PCDH9: variants seen among roughly 807,000 people sequenced by gnomAD.
PCDH9 encodes the protein protocadherin-9.
Under a neutral mutation model 70.6 loss-of-function variants are expected in PCDH9, and 24 were observed. The ratio of observed to expected loss-of-function variants is 0.34; its 90% CI spans 0.25 to 0.48. The LOEUF is 0.48. Ranked by LOEUF, PCDH9 falls within the 20% of genes least tolerant of loss-of-function variation. The pLI is 0.99. For synonymous variants in PCDH9, 562 were observed against 558.5 expected, an observed-to-expected ratio of 1.01 and a Z score of -0.09; for missense variants, 1,281 against 1,503.6, an observed-to-expected ratio of 0.85 and a Z score of 2.45.
At chr13:67,138,680 G>A (rs986290444) in intron 2 of PCDH9, among the ~76,000 whole-genome samples, 6 of 152,126 alleles carry the variant, frequency 3.9e-5, no homozygotes, top group Non-Finnish European at 8.8e-5. Flanking sequence ...GCCTGCGCCC[G>A]CATTGTGGAG....
At chr13:67,172,436 T>A (rs117410592) in intron 2 of PCDH9, among the ~76,000 whole-genome samples, 4,507 of 152,162 alleles carry the variant, frequency 0.03, 90 homozygotes, top group Non-Finnish European at 0.043. Flanking sequence ...TATAACTAAA[T>A]GGGGAGTAAG....
chr13:66,582,453 C>A (rs552328764), intron 4 of PCDH9, among the ~76,000 whole-genome samples: 64 of 152,040 alleles, frequency 4.2e-4, no homozygotes, highest in African/African-American at 1.5e-3. Context: ...GACAACATGG[C>A]AAAACCCTTT....
At chr13:66,976,400 A>G (rs190097351) in intron 2 of PCDH9, among the ~76,000 whole-genome samples, 1 of 152,094 alleles carries the variant, frequency 6.6e-6, no homozygotes, top group South Asian at 2.1e-4. Context: ...TCATATGGGT[A>G]TGGTTTGAGG....
chr13:66,790,581 G>A (rs930986942), intron 3 of PCDH9, among the ~76,000 whole-genome samples: 1 of 151,898 alleles, frequency 6.6e-6, no homozygotes, highest in African/African-American at 2.4e-5. Context: ...ATCTATAATT[G>A]ATTTTGTGTA....
intron 3 of PCDH9, among the ~76,000 whole-genome samples, chr13:66,702,235 T>C (rs1317354093): frequency 6.6e-6 from 1 of 152,184 alleles, no homozygotes; most frequent in African/African-American, 2.4e-5. Context: ...AGAAAGTATA[T>C]AGAATTGAAA....
chr13:67,069,650 C>T (rs2085720522), intron 2 of PCDH9, among the ~76,000 whole-genome samples: 1 of 152,104 alleles, frequency 6.6e-6, no homozygotes, highest in African/African-American at 2.4e-5. Flanking sequence ...CTATAATTGA[C>T]CATCTCCTTT....
chr13:66,972,956 G>T (rs572937230), intron 2 of PCDH9, among the ~76,000 whole-genome samples: 1 of 151,962 alleles, frequency 6.6e-6, no homozygotes, highest in Admixed American at 6.6e-5. Context: ...AAATTCATCC[G>T]GTATCAGATA....
At chr13:66,451,888 G>T (rs535822340) in intron 4 of PCDH9, among the ~76,000 whole-genome samples, 1 of 152,166 alleles carries the variant, frequency 6.6e-6, no homozygotes, top group African/African-American at 2.4e-5. Context: ...ACAATTCAAA[G>T]ATAACAATGG....
chr13:66,901,899 A>G (rs554339543), intron 3 of PCDH9, among the ~76,000 whole-genome samples: 5 of 151,854 alleles, frequency 3.3e-5, no homozygotes, highest in Admixed American at 2.6e-4. Context: ...AAACACAAAC[A>G]TAAAATGTTA....
At chr13:66,798,868 T>C (rs1799849124) in intron 3 of PCDH9, among the ~76,000 whole-genome samples, 1 of 152,104 alleles carries the variant, frequency 6.6e-6, no homozygotes, top group Admixed American at 6.6e-5. Context: ...TAGGCTTGAG[T>C]GCAGTGGCAT....
intron 4 of PCDH9, among the ~76,000 whole-genome samples, chr13:66,463,358 G>C (rs768687910): frequency 2.4e-4 from 36 of 151,734 alleles, no homozygotes; most frequent in Non-Finnish European, 4.1e-4. Flanking sequence ...GAATGACTTA[G>C]AACACATTGT....
At chr13:67,109,949 C>T (rs1190894555) in intron 2 of PCDH9, among the ~76,000 whole-genome samples, 7 of 152,068 alleles carry the variant, frequency 4.6e-5, no homozygotes, top group Admixed American at 4.6e-4. Flanking sequence ...CGAGTGACCA[C>T]TTATTATGTA....
intron 2 of PCDH9, among the ~76,000 whole-genome samples, chr13:67,020,012 G>A (rs1004367127): frequency 1.3e-5 from 2 of 152,122 alleles, no homozygotes; most frequent in African/African-American, 4.8e-5. Flanking sequence ...TATGTTTGAT[G>A]GACTTAATAA....
intron 4 of PCDH9, among the ~76,000 whole-genome samples, chr13:66,366,513 T>C (rs939634377): frequency 6.6e-6 from 1 of 152,068 alleles, no homozygotes; most frequent in Non-Finnish European, 1.5e-5. Context: ...ATCCTTCTAA[T>C]AGCATTTCAT....
At chr13:67,198,857 A>C (rs1243276695) in intron 2 of PCDH9, among the ~76,000 whole-genome samples, 1 of 151,872 alleles carries the variant, frequency 6.6e-6, no homozygotes, top group Non-Finnish European at 1.5e-5. Context: ...GCTATAGGAG[A>C]AATAATGACC....
rs145370598 is a variant in PCDH9 at position 67,225,879 on chromosome 13, G to C, written c.2562C>G (p.Ala854=). Residue 854 remains alanine, a synonymous_variant, in exon 2 of 5, where the codon GCC becomes GCG. Coordinates refer to ENST00000377865, the MANE Select transcript of PCDH9 (RefSeq NM_203487.3). ...TCTCCTGGTTTGGGGACATCCATTC[G>C]GCACCTTGCTTGCTCCTCTGAGCTG... ...FKAAQRSKQG[A]EWMSPNQENK... 61 of 1,613,722 alleles carry C rather than the reference G, an allele frequency of 3.8e-5. No individual in the cohort carries two copies. The African/African-American group carries it at 6.1e-4, about 16-fold the overall frequency.
chr13:66,619,658 G>A (rs1184922337), intron 4 of PCDH9, among the ~76,000 whole-genome samples: 4 of 152,082 alleles, frequency 2.6e-5, no homozygotes, highest in Non-Finnish European at 1.5e-5. Context: ...TGGCTCTGAG[G>A]TCAATGAATT....
chr13:66,858,691 C>T (rs1393301947), intron 3 of PCDH9, among the ~76,000 whole-genome samples: 1 of 152,062 alleles, frequency 6.6e-6, no homozygotes. Flanking sequence ...ACAGAGTTTG[C>T]TAAGTATTTC....
chr13:66,942,260 G>GA (rs888910594), intron 2 of PCDH9, among the ~76,000 whole-genome samples: 2 of 151,062 alleles, frequency 1.3e-5, no homozygotes, highest in East Asian at 3.9e-4. Flanking sequence ...CAATAGTTTA[G>GA]AAAAAAATAG....
Sources: gnomAD v4.1 joint callset for allele counts (sites outside exome capture counted in the v4.1 genomes callset) on GRCh38, gnomAD v4.1.1 for gene constraint, MANE v1.5 for transcripts, NCBI Gene and HGNC (gene_info 2026-07-23, HGNC 2026-07-21) for gene names.